The following TOP2A variants were observed in gnomAD, a reference collection of about 807,000 sequenced individuals.
The protein encoded by TOP2A is DNA topoisomerase II alpha.
TOP2A carries 68 observed loss-of-function variants against 187.2 expected under a neutral mutation model. That is an observed-to-expected ratio of 0.36 (90% CI 0.30 to 0.44). TOP2A has a LOEUF of 0.44. TOP2A is among the 20% of genes least tolerant of loss of function. The pLI is 1.00. For synonymous variants in TOP2A, 542 were observed against 593.2 expected (o/e 0.91, Z 1.25); for missense variants, 1,196 against 1,808.7 (o/e 0.66, Z 6.14).
Position 40,402,908 on chromosome 17 carries a change from G to T in TOP2A, c.2430C>A (p.Leu810=), listed in dbSNP as rs750686846. Reference sequence around the variant, plus strand: ...CTAGAAAGTGAAAGCATACCTACCTGAGCATTGTAAAGATGTATCGTGGAC... The same window carrying T: ...CTAGAAAGTGAAAGCATACCTACCTTAGCATTGTAAAGATGTATCGTGGAC... ...SASPRYIFTM[L]SSLARLLFPP... Residue 810 remains leucine, a splice_region_variant and synonymous_variant, in exon 20 of 35, where the codon CTC becomes CTA. Transcript: ENST00000423485. 3.7e-5 allele frequency: 60 copies of T among 1,603,748 alleles called. No homozygotes were observed. Among genetic ancestry groups the T allele is most frequent in the Non-Finnish European group, 4.9e-5 (57 of 1,174,342 alleles).
intron 33 of TOP2A, among the ~76,000 whole-genome samples, chr17:40,391,058 C>T (rs1217460312): frequency 6.6e-6 from 1 of 151,724 alleles, no homozygotes; most frequent in East Asian, 2.0e-4. Context: ...AACATTTGGA[C>T]TACCTTATTT....
At position 40,392,633 on chromosome 17, in the gene TOP2A, T is replaced by C. The variant is rs751933342; in HGVS notation, c.3916A>G (p.Ser1306Gly). 4 of 1,613,460 alleles carry C rather than the reference T, an allele frequency of 2.5e-6. No individual in the cohort carries two copies. Among genetic ancestry groups the C allele is most frequent in the Non-Finnish European group, 3.4e-6 (4 of 1,179,808 alleles). ...DSESDRSSDE[S>G]NFDVPPRETE... is the part of the protein sequence containing the mutation. Reference sequence around the variant, plus strand: ...TCTCGTGGAGGGACATCAAAATTACTTTCGTCACTGCTCCTATCTGATTCT... The same window carrying C: ...TCTCGTGGAGGGACATCAAAATTACCTTCGTCACTGCTCCTATCTGATTCT... Residue 1306 changes from serine to glycine, a missense_variant, in exon 30 of 35, where the codon AGT (serine) becomes GGT (glycine). By Grantham distance (56) the Ser-to-Gly change is moderately conservative. This residue lies in a region of TOP2A where 374 missense variants were observed against 403.3 expected (regional missense o/e 0.93). Transcript: ENST00000423485.
chr17:40,403,509 T>C lies in TOP2A; in HGVS notation c.2284-455A>G, dbSNP rs150174643. 9.0e-4 allele frequency among the ~76,000 whole-genome samples: 137 copies of C among 152,344 alleles called. 1 individual carries two copies. Among genetic ancestry groups the C allele is most frequent in the East Asian group, 6.2e-3 (32 of 5,196 alleles). ...GTTCGTTGGGTGAAAATTTATTGTA[T>C]CCCTACTATATTTTGATTGAAAGCA... On this transcript the variant is annotated intron_variant, in intron 19 of 34. Coordinates refer to ENST00000423485, the MANE Select transcript of TOP2A (RefSeq NM_001067.4).
In TOP2A at chr17:40,408,486, A is replaced by G. The variant is rs2143671231; in HGVS notation, c.1342+6T>C. On this transcript the variant is annotated splice_donor_region_variant and intron_variant, in intron 11 of 34. Coordinates refer to ENST00000423485, the MANE Select transcript of TOP2A (RefSeq NM_001067.4). ...TAAAAGTTTGGAAACATTATTAAAT[A>G]TATACCTGCATCATTGGCATCATCG... 6.2e-7 allele frequency: 1 copy of G among 1,610,274 alleles called. No individual in the cohort carries two copies. The highest frequency in any genetic ancestry group is 2.2e-5 in the East Asian group (1 of 44,818).
Position 40,406,646 on chromosome 17 carries a change from T to C in TOP2A, c.1781A>G (p.Glu594Gly), listed in dbSNP as rs748486166. Residue 594 changes from glutamate (E) to glycine (G), a missense_variant, in exon 15 of 35, where the codon GAA (glutamate) becomes GGA (glycine). Glu to Gly is a moderately conservative substitution (Grantham distance 98, BLOSUM62 -2). Around this residue, in one of 10 missense-constraint regions of TOP2A, gnomAD observed 209 missense variants for 376.9 expected, o/e 0.55. Transcript: ENST00000423485. ...KQEMAFYSLP[E>G]FEEWKSSTPN... ...AGTAGAACTCTTCCACTCTTCAAAT[T>C]CAGGAAGGCTGTAAAATGCCATTTC... The C allele has an allele frequency of 1.2e-6, 2 of 1,612,386 alleles. No homozygotes were observed. Among genetic ancestry groups the C allele is most frequent in the Non-Finnish European group, 1.7e-6 (2 of 1,179,558 alleles).
intron 16 of TOP2A, among the ~76,000 whole-genome samples, chr17:40,406,081 A>G (rs972128752): frequency 6.6e-6 from 1 of 152,054 alleles, no homozygotes. Context: ...TCGTATTTTT[A>G]GTAGAGAGGG....
At chr17:40,409,498 C>T (rs1206215859) in intron 10 of TOP2A, 1 of 444,772 alleles carries the variant, frequency 2.2e-6, no homozygotes. Context: ...GTGGCTTACG[C>T]CTGTAATCAC....
Position 40,400,870 on chromosome 17 carries a change from C to T in TOP2A, c.2644G>A (p.Gly882Arg), listed in dbSNP as rs1438807480. The T allele has an allele frequency of 6.2e-7, 1 of 1,613,978 alleles. No homozygotes were observed. The highest frequency in any genetic ancestry group is 1.1e-5 in the South Asian group (1 of 91,084). The stretch of plus-strand genomic sequence containing the variant: ...CTTACCATTGGCAAAGGTTCTTCTC[C>T]ATCCATCAAACGCCTGATGTTATTT... ...IVNNIRRLMD[G>R]EEPLPMLPSY... Residue 882 changes from glycine to arginine, a missense_variant, in exon 21 of 35, where the codon GGA (glycine) becomes AGA (arginine). Physicochemically the swap from Gly to Arg is moderately radical, Grantham distance 125. This residue lies in a region of TOP2A where 232 missense variants were observed against 306.1 expected (regional missense o/e 0.76). Coordinates refer to ENST00000423485, the MANE Select transcript of TOP2A (RefSeq NM_001067.4).
chr17:40,399,227 T>G, intron 24 of TOP2A, 96 bp from the exon 25 acceptor site: 1 of 863,018 alleles, frequency 1.2e-6, no homozygotes, highest in Non-Finnish European at 1.8e-6. Context: ...AACTGGAAAT[T>G]AAACTGTCTT....
At position 40,400,556 on chromosome 17, in the gene TOP2A, T is replaced by G; in HGVS notation, c.2772A>C (p.Ser924=). The part of the protein sequence containing the change: ...AILNSTTIEI[S]ELPVRTWTQT... The stretch of plus-strand genomic sequence containing the variant: ...GGGTCCATGTTCTGACGGGAAGCTC[T>G]GAGATTTCAATGGTTGTAGAATTAA... Residue 924 remains serine (S), a synonymous_variant, in exon 22 of 35, where the codon TCA becomes TCC. Transcript: ENST00000423485. 1.2e-6 allele frequency: 2 copies of G among 1,609,842 alleles called. No individual in the cohort carries two copies. Among genetic ancestry groups the G allele is most frequent in the Non-Finnish European group, 1.7e-6 (2 of 1,178,666 alleles).
rs149072732 is a variant in TOP2A at position 40,393,486 on chromosome 17, A to G, written c.3812-749T>C. Among the ~76,000 whole-genome samples, 164 of 152,290 alleles carry G rather than the reference A, an allele frequency of 1.1e-3. 2 individuals carry two copies. In the East Asian group the frequency reaches 0.022, roughly 20 times the overall value. ...GGATTTCAAGACCAGCCTGGGCAAG[A>G]GTGAAACCCTGTCTCAAAAAAAGTA... On this transcript the variant is annotated intron_variant, in intron 29 of 34. Coordinates refer to ENST00000423485, the MANE Select transcript of TOP2A (RefSeq NM_001067.4).
chr17:40,413,433 A>G, intron 5 of TOP2A, 47 bp downstream of exon 5: 7 of 1,440,480 alleles, frequency 4.9e-6, no homozygotes, highest in Non-Finnish European at 6.5e-6. Flanking sequence ...TCATTTAAAT[A>G]TATATATTTT....
intron 1 of TOP2A, 158 bp downstream of exon 1, chr17:40,417,613 C>T (rs1385326593): frequency 4.0e-6 from 6 of 1,489,806 alleles, no homozygotes; most frequent in African/African-American, 1.4e-5. Context: ...GGGGCTTCCG[C>T]CTCTCCACGA....
chr17:40,408,054 T>C lies in TOP2A; in HGVS notation c.1413A>G (p.Ser471=), dbSNP rs779292207. ...TGTCTCTCCCAACCACACCAAGGCCTGAAACAGCCAAAGTTTTGGCTGAAT... is the reference window on the plus strand; with the variant it reads ...TGTCTCTCCCAACCACACCAAGGCCCGAAACAGCCAAAGTTTTGGCTGAAT... The part of the protein sequence containing the change: ...EGDSAKTLAV[S]GLGVVGRDKY... Residue 471 remains serine, a synonymous_variant, in exon 12 of 35, where the codon TCA becomes TCG. Transcript: ENST00000423485. 4 of 1,613,486 alleles carry C rather than the reference T, an allele frequency of 2.5e-6. No homozygotes were observed. Among genetic ancestry groups the C allele is most frequent in the African/African-American group, 1.3e-5 (1 of 74,924 alleles).
chr17:40,389,129 G>A lies in TOP2A; in HGVS notation c.*390C>T, dbSNP rs997790073. 2 of 231,206 alleles carry A rather than the reference G, an allele frequency of 8.7e-6. No individual in the cohort carries two copies. Among genetic ancestry groups the A allele is most frequent in the Non-Finnish European group, 1.7e-5 (2 of 116,092 alleles). 14.3% of individuals were successfully genotyped at this position (231,206 alleles called of 1,614,324 possible). A position where few individuals can be genotyped will look rare whatever the true frequency, so the allele number is the denominator to read the frequency against. ...ATGCTCTATCTCATATCTACTGAAA[G>A]TAGAAAAGGAGGAAGAGTGACACTT... On this transcript the variant is annotated 3_prime_UTR_variant, in exon 35 of 35. Coordinates refer to ENST00000423485, the MANE Select transcript of TOP2A (RefSeq NM_001067.4).
At chr17:40,408,798 T>C in intron 10 of TOP2A, 168 bp from the exon 11 acceptor site, 1 of 736,566 alleles carries the variant, frequency 1.4e-6, no homozygotes, top group Non-Finnish European at 2.4e-6. Context: ...TGTCAGGTTA[T>C]CACCACTGAG....
At chr17:40,406,323 C>A in intron 16 of TOP2A, 61 bp downstream of exon 16, 1 of 1,222,094 alleles carries the variant, frequency 8.2e-7, no homozygotes. Context: ...GTAAATGTTT[C>A]AACTGGCTAA....
At position 40,407,597 on chromosome 17, in the gene TOP2A, A is replaced by G; in HGVS notation, c.1578T>C (p.Asp526=). 1 of 1,594,894 alleles carries G rather than the reference A, an allele frequency of 6.3e-7. No homozygotes were observed. The highest frequency in any genetic ancestry group is 8.5e-7 in the Non-Finnish European group (1 of 1,174,316). ...LQYKKNYEDE[D]SLKTLRYGKI... is the part of the protein sequence containing the mutation. ...TCCCATAACGAAGCGTCTTCAATGA[A>G]TCTTCATCTTCATAGTTTTTCTTGT... Residue 526 remains aspartate (D), a synonymous_variant, in exon 13 of 35, where the codon GAT becomes GAC. Transcript: ENST00000423485.
intron 10 of TOP2A, 187 bp from the exon 11 acceptor site, chr17:40,408,817 TC>T (rs529725491): frequency 5.1e-4 from 357 of 701,510 alleles, no homozygotes; most frequent in Non-Finnish European, 8.6e-4. Context: ...AGGGAGCTGC[TC>T]CTTTTGGTTC....
Sources: gnomAD v4.1 joint callset for allele counts (sites outside exome capture counted in the v4.1 genomes callset) on GRCh38, gnomAD v4.1.1 for gene constraint, gnomAD v4.1.1 regional missense constraint, MANE v1.5 for transcripts, NCBI Gene and HGNC (gene_info 2026-07-23, HGNC 2026-07-21) for gene names.